The following ZNF18 variants were observed in gnomAD, a reference collection of about 807,000 sequenced individuals.
ZNF18 encodes the protein zinc finger protein 18, also known as heart development-specific gene 1 protein.
ZNF18 carries 42 observed loss-of-function variants against 58.1 expected under a neutral mutation model. The observed-to-expected ratio is 0.72, with a 90% CI of 0.56 to 0.93. The LOEUF is 0.93. ZNF18 is among the 40% of genes least tolerant of loss of function. The pLI, the probability that ZNF18 is intolerant of heterozygous loss-of-function variation, is 0.00. For missense variants in ZNF18, 540 were observed against 644.2 expected (o/e 0.84, Z 1.75); for synonymous variants, 231 against 239.8 (o/e 0.96, Z 0.34).
At chr17:11,997,879 C>A (rs1360830262), upstream of ZNF18, among the ~76,000 whole-genome samples, 1 of 152,180 alleles carries the variant, frequency 6.6e-6, no homozygotes, top group Non-Finnish European at 1.5e-5. Context: ...TTCTCCTTTC[C>A]GTTCTTGCCT....
intron 1 of ZNF18, among the ~76,000 whole-genome samples, chr17:11,996,012 T>A (rs986027248): frequency 6.6e-6 from 1 of 152,208 alleles, no homozygotes; most frequent in African/African-American, 2.4e-5. Flanking sequence ...TAGAGCTTCC[T>A]GGGTTCAAAT....
chr17:12,003,013 T>C, the ZNF18 span, among the ~76,000 whole-genome samples: 1 of 152,188 alleles, frequency 6.6e-6, no homozygotes, highest in Non-Finnish European at 1.5e-5. Flanking sequence ...CAAAGAGTGA[T>C]TTAACTCATG....
At chr17:12,017,333 C>A in the ZNF18 span, among the ~76,000 whole-genome samples, 5 of 152,188 alleles carry the variant, frequency 3.3e-5, no homozygotes, top group Admixed American at 1.3e-4. Flanking sequence ...ATCCAGAAAC[C>A]TGCACAGCTT....
intron 4 of ZNF18, among the ~76,000 whole-genome samples, chr17:11,986,689 G>A (rs1439547442): frequency 1.3e-5 from 2 of 152,152 alleles, no homozygotes; most frequent in Non-Finnish European, 2.9e-5. Flanking sequence ...GCTGAACACA[G>A]GAGTTCTCAG....
Position 11,992,430 on chromosome 17 carries a change from A to G in ZNF18, c.387+13T>C, listed in dbSNP as rs1368266519. On this transcript the variant is annotated intron_variant, in intron 2 of 6. Transcript: ENST00000580306. ...CTGTGTTTCACTCGCAGATCATAATACCCTCTGCTTACCCATTGCCACAGT... is the reference window on the plus strand; with the variant it reads ...CTGTGTTTCACTCGCAGATCATAATGCCCTCTGCTTACCCATTGCCACAGT... 1.2e-6 allele frequency: 2 copies of G among 1,610,948 alleles called. No homozygotes were observed. Among genetic ancestry groups the G allele is most frequent in the Admixed American group, 1.7e-5 (1 of 59,892 alleles).
At chr17:11,994,321 G>T (rs980106877) in intron 1 of ZNF18, among the ~76,000 whole-genome samples, 1 of 151,602 alleles carries the variant, frequency 6.6e-6, no homozygotes, top group Non-Finnish European at 1.5e-5. Context: ...TTTTTCAAGG[G>T]CCTGAGAAAG....
At chr17:12,008,238 T>C in the ZNF18 span, among the ~76,000 whole-genome samples, 2 of 152,194 alleles carry the variant, frequency 1.3e-5, no homozygotes, top group South Asian at 2.1e-4. Flanking sequence ...CAACCAGAAG[T>C]TGGAAACTGG....
upstream of ZNF18, among the ~76,000 whole-genome samples, chr17:11,997,729 A>G (rs4791485): frequency 0.89 from 135,532 of 152,224 alleles, 62,436 homozygotes; most frequent in East Asian, 1. Context: ...TTTATTGCGC[A>G]CCTATTCTGT....
chr17:11,994,465 C>G (rs1046158811), intron 1 of ZNF18, among the ~76,000 whole-genome samples: 2 of 152,064 alleles, frequency 1.3e-5, no homozygotes, highest in Admixed American at 6.5e-5. Flanking sequence ...TTGACTGATG[C>G]CTTAAATAGT....
intron 4 of ZNF18, among the ~76,000 whole-genome samples, chr17:11,990,008 T>G (rs1227362035): frequency 6.6e-6 from 1 of 152,046 alleles, no homozygotes; most frequent in Non-Finnish European, 1.5e-5. Context: ...TTATACACAT[T>G]CCACAGGTAT....
chr17:11,991,099 A>T lies in ZNF18; in HGVS notation c.452T>A (p.Val151Glu), dbSNP rs1264441058. 3 of 1,613,958 alleles carry T rather than the reference A, an allele frequency of 1.9e-6. No individual in the cohort carries two copies. In the African/African-American group the frequency reaches 4.0e-5, roughly 22 times the overall value. ...TTCAAGATGGGGCTCCACTTCCCCC[A>T]CTTGGCAGCTTGGAGATTCCATCTT... ...SEKMESPSCQ[V>E]GEVEPHLEVV... The change falls in exon 3 of 7, where the codon GTG becomes GAG. Residue 151 changes from valine to glutamate, a missense_variant. Transcript: ENST00000580306.
upstream of ZNF18, among the ~76,000 whole-genome samples, chr17:12,001,117 A>G (rs989549374): frequency 2.0e-5 from 3 of 152,188 alleles, no homozygotes; most frequent in Non-Finnish European, 2.9e-5. Context: ...GCTTCTGGGT[A>G]CTCACATAAT....
At chr17:12,011,065 G>A in the ZNF18 span, 1 of 733,634 alleles carries the variant, frequency 1.4e-6, no homozygotes, top group Middle Eastern at 2.6e-4. Context: ...TGACACCTGT[G>A]GGGCATTCCT....
rs538295137 is a variant in ZNF18 at position 11,994,030 on chromosome 17, T to C, written c.-82-1119A>G. ...CATCCACTACTTCTAGTTAACTTTCTTGCAAGTAATCACAATATAGGATTA... is the reference window on the plus strand; with the variant it reads ...CATCCACTACTTCTAGTTAACTTTCCTGCAAGTAATCACAATATAGGATTA... On this transcript the variant is annotated intron_variant, in intron 1 of 6. Coordinates refer to ENST00000580306, the MANE Select transcript of ZNF18 (RefSeq NM_001303281.2). Among the ~76,000 whole-genome samples, 8 of 152,276 alleles carry C rather than the reference T, an allele frequency of 5.3e-5. No individual in the cohort carries two copies. The South Asian group carries it at 1.4e-3, about 28-fold the overall frequency.
At chr17:11,999,285 G>A (rs571944294), upstream of ZNF18, among the ~76,000 whole-genome samples, 1 of 152,270 alleles carries the variant, frequency 6.6e-6, no homozygotes, top group East Asian at 1.9e-4. Context: ...CAAGAAAAAT[G>A]CACATACACA....
intron 2 of ZNF18, among the ~76,000 whole-genome samples, chr17:11,991,481 C>T (rs1475428546): frequency 2.6e-5 from 4 of 152,178 alleles, no homozygotes; most frequent in South Asian, 2.1e-4. Flanking sequence ...AGGTGGAATG[C>T]GCTGGGAGAC....
intron 1 of ZNF18, 23 bp downstream of exon 1, chr17:11,997,408 G>C (rs974447400): frequency 1.2e-4 from 19 of 152,208 alleles, no homozygotes; most frequent in Admixed American, 4.6e-4. Flanking sequence ...CGGAGGCCGG[G>C]ACCGCCCCGC....
upstream of ZNF18, among the ~76,000 whole-genome samples, chr17:11,999,885 G>A (rs764593442): frequency 3.3e-5 from 5 of 152,282 alleles, no homozygotes; most frequent in Admixed American, 6.5e-5. Flanking sequence ...CAAGCCTTGC[G>A]TGTATCTGTG....
chr17:12,005,746 A>G, the ZNF18 span, among the ~76,000 whole-genome samples: 1 of 152,200 alleles, frequency 6.6e-6, no homozygotes, highest in Admixed American at 6.5e-5. Flanking sequence ...AATAAATAAG[A>G]TACATATTTT....
Sources: gnomAD v4.1 joint callset for allele counts (sites outside exome capture counted in the v4.1 genomes callset) on GRCh38, gnomAD v4.1.1 for gene constraint, MANE v1.5 for transcripts, NCBI Gene and HGNC (gene_info 2026-07-23, HGNC 2026-07-21) for gene names.